The following EIF4B variants were observed in gnomAD, a reference collection of about 807,000 sequenced individuals.
The protein encoded by EIF4B is eukaryotic translation initiation factor 4B.
A neutral mutation model predicts 79.3 loss-of-function variants in EIF4B; 8 were observed. The observed-to-expected ratio is 0.10, with a 90% CI of 0.06 to 0.18. EIF4B has a LOEUF of 0.18. Among genes scored for constraint, EIF4B ranks in the 10% least tolerant of loss-of-function variants. The probability of loss-of-function intolerance (pLI) is 1.00; values close to 1 mark genes in which losing one functional copy is unlikely to be tolerated. For missense variants in EIF4B, 515 were observed against 792.4 expected (o/e 0.65, Z 4.20); for synonymous variants, 238 against 274.7 (o/e 0.87, Z 1.32).
intron 6 of EIF4B, chr12:53,025,094 G>GTTC (rs1364643243): frequency 2.5e-6 from 1 of 394,894 alleles, no homozygotes; most frequent in African/African-American, 2.1e-5. Flanking sequence ...ATGGGTCATA[G>GTTC]GTCTGAAAGA....
At chr12:53,018,084 C>T (rs544459472) in intron 2 of EIF4B, among the ~76,000 whole-genome samples, 2 of 152,304 alleles carry the variant, frequency 1.3e-5, no homozygotes, top group Non-Finnish European at 2.9e-5. Flanking sequence ...TGCCGCCTCC[C>T]GGTTCAATAG....
At chr12:53,008,588 T>G (rs923292085) in intron 1 of EIF4B, 3 of 152,176 alleles carry the variant, frequency 2.0e-5, no homozygotes, top group African/African-American at 7.2e-5. Context: ...ACCAAAAAAT[T>G]CTTTGCAGCA....
At chr12:53,009,590 C>T (rs1456951391) in intron 1 of EIF4B, among the ~76,000 whole-genome samples, 1 of 152,114 alleles carries the variant, frequency 6.6e-6, no homozygotes, top group Non-Finnish European at 1.5e-5. Context: ...AAATGCAGTC[C>T]TGTGTGACAT....
chr12:53,033,074 C>T (rs997475098), intron 8 of EIF4B, among the ~76,000 whole-genome samples: 1 of 151,976 alleles, frequency 6.6e-6, no homozygotes, highest in Non-Finnish European at 1.5e-5. Context: ...GGCTGGAGTG[C>T]AGTGGTGCGA....
chr12:53,034,705 C>T lies in EIF4B; in HGVS notation c.1302C>T (p.Ser434=), dbSNP rs776855386. 1.9e-6 allele frequency: 3 copies of T among 1,614,010 alleles called. No homozygotes were observed. Among genetic ancestry groups the T allele is most frequent in the East Asian group, 4.5e-5 (2 of 44,878 alleles). The change falls in exon 10 of 15, where the codon AGC becomes AGT. Residue 434 remains serine (S), a synonymous_variant. Transcript: ENST00000262056. The part of the protein sequence containing the change: ...SSQTGTSTTS[S]RNARRRESEK... ...AAACTGGGACCTCCACCACATCTAG[C>T]AGAAGTAAGTCAGACCAGGGTGGGT...
At chr12:53,034,544 T>G in intron 9 of EIF4B, 68 bp from the exon 10 acceptor site, 1 of 1,468,340 alleles carries the variant, frequency 6.8e-7, no homozygotes, top group Non-Finnish European at 9.5e-7. Flanking sequence ...TCTTGAGGGG[T>G]CAGCATGGGT....
chr12:53,016,757 T>A, intron 2 of EIF4B, 147 bp downstream of exon 2: 1 of 1,239,220 alleles, frequency 8.1e-7, no homozygotes, highest in Non-Finnish European at 1.1e-6. Context: ...GAATCTAAGG[T>A]TTAATCTGAG....
At chr12:53,038,483 T>G (rs1289012050) in intron 12 of EIF4B, 72 bp downstream of exon 12, 20 of 1,444,234 alleles carry the variant, frequency 1.4e-5, no homozygotes, top group Non-Finnish European at 1.9e-5. Context: ...AATTAGATTT[T>G]GAAGAGCAGT....
intron 9 of EIF4B, 39 bp downstream of exon 9, chr12:53,034,073 T>G (rs1263803157): frequency 6.4e-7 from 1 of 1,557,338 alleles, no homozygotes; most frequent in Non-Finnish European, 8.7e-7. Context: ...AGGAATCCGG[T>G]GGTTCGTAAT....
Position 53,008,018 on chromosome 12 carries a change from G to T in EIF4B, c.13+1522G>T, listed in dbSNP as rs551948567. ...TCATCATCAGTTTAGGACGCTGCCC[G>T]AAAGCATCTGAAGTTTACAAAAATG... On this transcript the variant is annotated intron_variant, in intron 1 of 14. Transcript: ENST00000262056. Among the ~76,000 whole-genome samples, 4 of 152,180 alleles carry T rather than the reference G, an allele frequency of 2.6e-5. No homozygotes were observed. The East Asian group carries it at 7.7e-4, about 29-fold the overall frequency.
intron 1 of EIF4B, 99 bp from the exon 2 acceptor site, chr12:53,016,374 T>G: frequency 6.8e-7 from 1 of 1,476,320 alleles, no homozygotes; most frequent in Admixed American, 2.0e-5. Context: ...GGAGCGTCCA[T>G]GTTATTTCTT....
At chr12:53,008,729 T>G (rs1449369044) in intron 1 of EIF4B, 1 of 152,236 alleles carries the variant, frequency 6.6e-6, no homozygotes, top group African/African-American at 2.4e-5. Flanking sequence ...AATTCCTTGC[T>G]TTGCTTCTTA....
At chr12:53,022,351 A>G in intron 5 of EIF4B, 142 bp from the exon 6 acceptor site, 1 of 1,200,100 alleles carries the variant, frequency 8.3e-7, no homozygotes, top group Non-Finnish European at 1.2e-6. Context: ...TGGAGCATGT[A>G]CTTATGGGGC....
intron 1 of EIF4B, among the ~76,000 whole-genome samples, chr12:53,013,290 TG>T (rs1943095449): frequency 6.6e-6 from 1 of 152,198 alleles, no homozygotes; most frequent in Admixed American, 6.5e-5. Flanking sequence ...ATCCTCCCAG[TG>T]GAAGGACAGG....
At chr12:53,035,509 C>T (rs887258616) in intron 10 of EIF4B, among the ~76,000 whole-genome samples, 22 of 151,934 alleles carry the variant, frequency 1.4e-4, no homozygotes, top group African/African-American at 5.1e-4. Context: ...GCTGGGACTA[C>T]AGGTGCCCAC....
chr12:53,010,256 C>T (rs1258427107), intron 1 of EIF4B, among the ~76,000 whole-genome samples: 2 of 152,154 alleles, frequency 1.3e-5, no homozygotes, highest in Non-Finnish European at 1.5e-5. Flanking sequence ...TAACTGAACC[C>T]GTACGGGGGT....
At chr12:53,038,725 G>A in intron 12 of EIF4B, 1 of 169,282 alleles carries the variant, frequency 5.9e-6, no homozygotes, top group South Asian at 1.6e-4. Context: ...GCTGAGGCAG[G>A]AGAATTGCTT....
chr12:53,039,711 T>TGGA lies in EIF4B; in HGVS notation c.1755+10_1755+11insGAG, dbSNP rs1033418969. ...AGGAAAATCCAGCTTCCGTAAGTGT[T>TGGA]GAAGGCTGCTCCCAATTTTTCATTC... On this transcript the variant is annotated intron_variant, in intron 14 of 14. Transcript: ENST00000262056. The TGGA allele has an allele frequency of 1.2e-6, 2 of 1,611,470 alleles. No homozygotes were observed. The highest frequency in any genetic ancestry group is 2.7e-5 in the African/African-American group (2 of 74,928).
In EIF4B at chr12:53,025,487, A is replaced by G. The variant is rs531280731; in HGVS notation, c.668-2295A>G. Reference sequence around the variant, plus strand: ...GGGGGGTATTACACTCAGTATTCCTATGAAATGTCAGTAATAGCATGTGCT... The same window carrying G: ...GGGGGGTATTACACTCAGTATTCCTGTGAAATGTCAGTAATAGCATGTGCT... On this transcript the variant is annotated intron_variant, in intron 6 of 14. Coordinates refer to ENST00000262056, the MANE Select transcript of EIF4B (RefSeq NM_001417.7). 1.7e-5 allele frequency: 4 copies of G among 230,164 alleles called. No homozygotes were observed. The East Asian group carries it at 5.1e-4, about 29-fold the overall frequency. 14.3% of individuals were successfully genotyped at this position (230,164 alleles called of 1,614,324 possible).
Sources: allele counts gnomAD v4.1 joint callset (sites outside exome capture counted in the v4.1 genomes callset), GRCh38; gene constraint gnomAD v4.1.1; transcripts MANE v1.5; gene names NCBI Gene and HGNC (gene_info 2026-07-23, HGNC 2026-07-21).